Variants in EYS observed in about 807,000 individuals in gnomAD.
EYS encodes EGF-like photoreceptor maintenance factor, also known as protein eyes shut homolog.
EYS carries 250 observed loss-of-function variants against 282.1 expected under a neutral mutation model. That is an observed-to-expected ratio of 0.89 (90% CI 0.80 to 0.98). The LOEUF is 0.98. Ranked by LOEUF, EYS falls within the 50% of genes least tolerant of loss-of-function variation. The pLI, the probability that EYS is intolerant of heterozygous loss-of-function variation, is 0.00. For missense variants in EYS, 4,016 were observed against 3,709.0 expected, an observed-to-expected ratio of 1.08 and a Z score of -2.15; for synonymous variants, 1,355 against 1,282.9, an observed-to-expected ratio of 1.06 and a Z score of -1.20.
chr6:65,233,900 C>G (rs1766854027), intron 12 of EYS, among the ~76,000 whole-genome samples: 1 of 152,116 alleles, frequency 6.6e-6, no homozygotes, highest in South Asian at 2.1e-4. Context: ...CCTTGACCTG[C>G]TCAGATTGCT....
intron 19 of EYS, among the ~76,000 whole-genome samples, chr6:64,843,304 C>T (rs190591253): frequency 6.6e-6 from 1 of 152,284 alleles, no homozygotes; most frequent in African/African-American, 2.4e-5. Context: ...GGGCCACTGT[C>T]CTCCAGACCC....
chr6:65,494,631 T>G, intron 4 of EYS, 32 bp downstream of exon 4: 1 of 1,507,280 alleles, frequency 6.6e-7, no homozygotes, highest in East Asian at 2.5e-5. Flanking sequence ...TTTCTCTATT[T>G]TAATAAAATT....
intron 41 of EYS, among the ~76,000 whole-genome samples, chr6:63,760,772 A>G (rs546081526): frequency 3.9e-5 from 6 of 151,958 alleles, no homozygotes; most frequent in African/African-American, 1.2e-4. Context: ...ATACATCCAC[A>G]CACCCACACA....
intron 31 of EYS, among the ~76,000 whole-genome samples, chr6:64,129,280 C>A (rs1484740907): frequency 1.3e-5 from 2 of 152,216 alleles, no homozygotes; most frequent in African/African-American, 4.8e-5. Context: ...TCCTCTCCAG[C>A]ACCTGTTGTT....
intron 33 of EYS, among the ~76,000 whole-genome samples, chr6:64,046,215 G>A (rs551207122): frequency 9.2e-5 from 14 of 151,818 alleles, no homozygotes; most frequent in Non-Finnish European, 1.5e-5. Flanking sequence ...GCTTCTTGAG[G>A]TTTGAGATCA....
At chr6:65,404,017 A>C (rs1766618392) in intron 6 of EYS, among the ~76,000 whole-genome samples, 1 of 152,110 alleles carries the variant, frequency 6.6e-6, no homozygotes, top group African/African-American at 2.4e-5. Flanking sequence ...ATTATCTTAG[A>C]GTTCCAGAGG....
chr6:63,756,121 T>A (rs1364762100), intron 41 of EYS, among the ~76,000 whole-genome samples: 2 of 152,206 alleles, frequency 1.3e-5, no homozygotes, highest in African/African-American at 4.8e-5. Context: ...TACCTTTATT[T>A]CTTTCTCTTG....
At chr6:64,372,155 T>G (rs1227195887) in intron 29 of EYS, among the ~76,000 whole-genome samples, 1 of 83,996 alleles carries the variant, frequency 1.2e-5, no homozygotes, top group African/African-American at 3.9e-5. Context: ...TTTTTTTTTT[T>G]TTTTTGTAGT....
chr6:63,908,088 A>G (rs901861260), intron 35 of EYS, among the ~76,000 whole-genome samples: 1 of 147,558 alleles, frequency 6.8e-6, no homozygotes, highest in Non-Finnish European at 1.5e-5. Flanking sequence ...CTCAGTCTCT[A>G]TCAATCTATA....
chr6:64,281,288 G>C (rs6936518), intron 30 of EYS, among the ~76,000 whole-genome samples: 1 of 151,764 alleles, frequency 6.6e-6, no homozygotes, highest in East Asian at 1.9e-4. Flanking sequence ...AATCTCAAAA[G>C]TGAGTGACCA....
At chr6:64,632,913 C>G (rs79435503) in intron 22 of EYS, among the ~76,000 whole-genome samples, 1,644 of 152,114 alleles carry the variant, frequency 0.011, 28 homozygotes, top group African/African-American at 0.037. Flanking sequence ...CATTTCATTG[C>G]TTTGTTGCAG....
chr6:64,424,091 C>T (rs1774323268), intron 28 of EYS, among the ~76,000 whole-genome samples: 1 of 152,084 alleles, frequency 6.6e-6, no homozygotes, highest in Non-Finnish European at 1.5e-5. Context: ...ATTAACATAA[C>T]ATATTCTTCA....
At chr6:64,539,470 G>A (rs1232086963) in intron 26 of EYS, among the ~76,000 whole-genome samples, 1 of 152,186 alleles carries the variant, frequency 6.6e-6, no homozygotes, top group Non-Finnish European at 1.5e-5. Context: ...AGTTACTCGG[G>A]AGGCTGAGGT....
At chr6:65,006,503 C>CAAAA (rs59057058) in intron 13 of EYS, among the ~76,000 whole-genome samples, 23,137 of 82,844 alleles carry the variant, frequency 0.28, 3,981 homozygotes, top group African/African-American at 0.43. Flanking sequence ...TATTCTAAGT[C>CAAAA]AAAAAAAAAA....
intron 22 of EYS, among the ~76,000 whole-genome samples, chr6:64,731,535 A>C (rs1382955680): frequency 3.9e-5 from 6 of 152,220 alleles, no homozygotes; most frequent in Non-Finnish European, 8.8e-5. Flanking sequence ...GAAGAAATTT[A>C]TGCAGGCAAC....
chr6:65,087,758 G>C (rs1006465651), intron 12 of EYS, among the ~76,000 whole-genome samples: 3 of 152,168 alleles, frequency 2.0e-5, no homozygotes, highest in African/African-American at 7.2e-5. Flanking sequence ...GCTTCCATTT[G>C]TGATTTTCTG....
intron 26 of EYS, among the ~76,000 whole-genome samples, chr6:64,479,489 CT>C (rs1776371872): frequency 6.6e-6 from 1 of 151,930 alleles, no homozygotes; most frequent in African/African-American, 2.4e-5. Flanking sequence ...GCCAACTGCA[CT>C]GGACAATTGA....
In EYS at chr6:65,448,622, CAT is replaced by C. The variant is rs1008860106; in HGVS notation, c.862+41970_862+41971del. On this transcript the variant is annotated intron_variant, in intron 5 of 42. Transcript: ENST00000503581. The stretch of plus-strand genomic sequence containing the variant: ...TATTTTGTTCATTGGCACACACACT[CAT>C]ATACATACACAGTCACATAGACTTG... Among the ~76,000 whole-genome samples, 38 of 152,132 alleles carry C rather than the reference CAT, an allele frequency of 2.5e-4. 1 individual carries two copies. Among genetic ancestry groups the C allele is most frequent in the African/African-American group, 9.1e-4 (38 of 41,554 alleles).
At chr6:65,179,194 C>A (rs1401436157) in intron 12 of EYS, among the ~76,000 whole-genome samples, 4 of 151,266 alleles carry the variant, frequency 2.6e-5, no homozygotes, top group South Asian at 2.1e-4. Flanking sequence ...TAGCAGAAGG[C>A]AAGAAATAAC....
Sources: allele counts gnomAD v4.1 joint callset (sites outside exome capture counted in the v4.1 genomes callset), GRCh38; gene constraint gnomAD v4.1.1; transcripts MANE v1.5; gene names NCBI Gene and HGNC (gene_info 2026-07-23, HGNC 2026-07-21).